The following KDM4C variants were observed in gnomAD, a reference collection of about 807,000 sequenced individuals.
KDM4C encodes lysine-specific demethylase 4C.
In KDM4C, 81 loss-of-function variants were observed where a neutral mutation model predicts 129.3. That is an observed-to-expected ratio of 0.63 (90% CI 0.52 to 0.75). The LOEUF (loss-of-function observed/expected upper bound fraction) is 0.75, where lower values mean the gene tolerates loss of function less well. Among genes scored for constraint, KDM4C ranks in the 30% least tolerant of loss-of-function variants. The pLI is 0.00. For missense variants in KDM4C, 1,457 were observed against 1,304.0 expected (o/e 1.12, Z -1.81); for synonymous variants, 573 against 456.1 (o/e 1.26, Z -3.26).
At position 7,107,854 on chromosome 9, in the gene KDM4C, T is replaced by C. The variant is rs538061515; in HGVS notation, c.2610+3984T>C. Among the ~76,000 whole-genome samples, 4 of 152,248 alleles carry C rather than the reference T, an allele frequency of 2.6e-5. No individual in the cohort carries two copies. The East Asian group carries it at 7.7e-4, about 29-fold the overall frequency. ...TCATAAGGACAGAAAGTATTTGTTG[T>C]TGTTGTTGTTGTTGTTGTCTTTTTA... On this transcript the variant is annotated intron_variant, in intron 18 of 21. Transcript: ENST00000381309.
At chr9:7,004,880 G>T (rs774662693) in intron 12 of KDM4C, among the ~76,000 whole-genome samples, 43 of 152,108 alleles carry the variant, frequency 2.8e-4, no homozygotes, top group Admixed American at 3.9e-4. Flanking sequence ...GGCTGCTGCG[G>T]GGTTCTGTCC....
chr9:6,978,959 A>T (rs75017251), intron 8 of KDM4C: 8,849 of 151,818 alleles, frequency 0.058, 382 homozygotes, highest in East Asian at 0.26. Flanking sequence ...TTTTTTTCTG[A>T]GACACTTTCC....
Position 6,981,058 on chromosome 9 carries a change from C to G in KDM4C, c.1055C>G (p.Ser352Cys). ...GATCACACGAAGCCTACTCCAGCAT[C>G]CACCCCTGAAGTAAAAGCATGGCTG... The part of the protein sequence containing the change: ...TIDHTKPTPA[S>C]TPEVKAWLQR... The change falls in exon 9 of 22, where the codon TCC (serine) becomes TGC (cysteine). Residue 352 changes from serine (S) to cysteine (C), a missense_variant. Coordinates refer to ENST00000381309, the MANE Select transcript of KDM4C (RefSeq NM_015061.6). The G allele has an allele frequency of 6.2e-7, 1 of 1,613,636 alleles. No homozygotes were observed. The highest frequency in any genetic ancestry group is 8.5e-7 in the Non-Finnish European group (1 of 1,179,742).
chr9:7,111,748 G>A (rs1838343560), intron 18 of KDM4C, among the ~76,000 whole-genome samples: 1 of 152,174 alleles, frequency 6.6e-6, no homozygotes, highest in Non-Finnish European at 1.5e-5. Context: ...TGAAGCTGGT[G>A]AAGTAGATTG....
chr9:6,863,145 CAAAAAA>C (rs932700092), intron 5 of KDM4C, among the ~76,000 whole-genome samples: 2 of 151,910 alleles, frequency 1.3e-5, no homozygotes, highest in Non-Finnish European at 2.9e-5. Flanking sequence ...AAAATAAAAA[CAAAAAA>C]ACCCTGTGCT....
At chr9:6,726,359 T>G (rs1342082940) in intron 1 of KDM4C, 1 of 152,276 alleles carries the variant, frequency 6.6e-6, no homozygotes, top group Non-Finnish European at 1.5e-5. Context: ...GAATCTCTAA[T>G]AGTTTGTGTC....
At chr9:6,945,523 T>G (rs1826803165) in intron 8 of KDM4C, among the ~76,000 whole-genome samples, 1 of 152,166 alleles carries the variant, frequency 6.6e-6, no homozygotes, top group Non-Finnish European at 1.5e-5. Flanking sequence ...ATTAATTAAT[T>G]TTGACAAAAT....
At chr9:6,793,626 A>C (rs1379125430) in intron 2 of KDM4C, among the ~76,000 whole-genome samples, 5 of 142,540 alleles carry the variant, frequency 3.5e-5, no homozygotes, top group African/African-American at 1.3e-4. Context: ...TGCAATCTCC[A>C]CCTCCCGGGT....
chr9:6,757,082 A>G (rs963950401), upstream of KDM4C, among the ~76,000 whole-genome samples: 9 of 152,146 alleles, frequency 5.9e-5, no homozygotes, highest in African/African-American at 2.2e-4. Flanking sequence ...CTGATGCTCA[A>G]CCATCTGTCT....
chr9:6,924,683 G>C (rs1822153069), intron 8 of KDM4C: 1 of 748,778 alleles, frequency 1.3e-6, no homozygotes, highest in African/African-American at 1.9e-5. Context: ...GTGTTCTGCT[G>C]GGGTACCGAT....
intron 5 of KDM4C, among the ~76,000 whole-genome samples, chr9:6,870,883 C>T (rs922363237): frequency 2.1e-4 from 32 of 152,084 alleles, no homozygotes; most frequent in African/African-American, 7.5e-4. Flanking sequence ...CTGAGCATGA[C>T]GTGGGCCTGG....
chr9:6,811,061 AC>A (rs947529624), intron 3 of KDM4C, among the ~76,000 whole-genome samples: 1 of 152,182 alleles, frequency 6.6e-6, no homozygotes, highest in African/African-American at 2.4e-5. Context: ...CAATGCTCTT[AC>A]TTGTCAACAC....
intron 1 of KDM4C, among the ~76,000 whole-genome samples, chr9:6,751,677 A>T (rs762768614): frequency 2.7e-4 from 41 of 152,290 alleles, no homozygotes; most frequent in Non-Finnish European, 5.9e-4. Context: ...ATGAGATCTC[A>T]ATTATGCATA....
chr9:6,940,033 C>CCTTT (rs1825634667), intron 8 of KDM4C, among the ~76,000 whole-genome samples: 1 of 125,740 alleles, frequency 8.0e-6, no homozygotes. Flanking sequence ...TTCCTTCCTT[C>CCTTT]TTTCCTTCCT....
At chr9:6,839,365 G>T (rs1836473248) in intron 4 of KDM4C, among the ~76,000 whole-genome samples, 1 of 149,774 alleles carries the variant, frequency 6.7e-6, no homozygotes, top group African/African-American at 2.5e-5. Flanking sequence ...TAGTAGCTGG[G>T]ACTACAGGCG....
intron 1 of KDM4C, among the ~76,000 whole-genome samples, chr9:6,759,594 C>T (rs962546037): frequency 2.0e-5 from 3 of 152,104 alleles, no homozygotes; most frequent in Admixed American, 6.6e-5. Context: ...CTTGGTAATA[C>T]AGTACAATTT....
At chr9:7,129,963 A>C (rs1435353344) in intron 19 of KDM4C, among the ~76,000 whole-genome samples, 1 of 152,228 alleles carries the variant, frequency 6.6e-6, no homozygotes, top group African/African-American at 2.4e-5. Flanking sequence ...GATTACATGT[A>C]ATCCGTCTCT....
rs1227505945 is a variant in KDM4C at position 6,730,097 on chromosome 9, G to A, written c.49+9100G>A. ...TGCACTGCAGCCTGGGCAACAAAGC[G>A]AGACTCAGTCTTAAAAAAAAGAAAA... On this transcript the variant is annotated intron_variant, in intron 1 of 17. Coordinates refer to the KDM4C transcript ENST00000536108. Among the ~76,000 whole-genome samples, 15 of 82,416 alleles carry A rather than the reference G, an allele frequency of 1.8e-4. 1 individual carries two copies. Among genetic ancestry groups the A allele is most frequent in the Non-Finnish European group, 2.8e-4 (13 of 46,644 alleles). 54.1% of individuals were successfully genotyped at this position (82,416 alleles called of 152,430 possible). A position where few individuals can be genotyped will look rare whatever the true frequency, so the allele number is the denominator to read the frequency against.
intron 8 of KDM4C, among the ~76,000 whole-genome samples, chr9:6,965,768 C>T (rs539344601): frequency 5.5e-4 from 84 of 152,284 alleles, no homozygotes; most frequent in Non-Finnish European, 1.0e-3. Flanking sequence ...ATGGAGCCTA[C>T]CCACTTGAGG....
Sources: gnomAD v4.1 joint callset for allele counts (sites outside exome capture counted in the v4.1 genomes callset) on GRCh38, gnomAD v4.1.1 for gene constraint, MANE v1.5 for transcripts, NCBI Gene and HGNC (gene_info 2026-07-23, HGNC 2026-07-21) for gene names.